The following ROBO2 variants were observed in gnomAD, a reference collection of about 807,000 sequenced individuals.
The protein encoded by ROBO2 is roundabout guidance receptor 2.
In ROBO2, 53 loss-of-function variants were observed where a neutral mutation model predicts 160.8. The observed-to-expected ratio is 0.33, with a 90% CI of 0.26 to 0.41. The LOEUF is 0.41. ROBO2 is among the 10% of genes least tolerant of loss of function. The pLI, the probability that ROBO2 is intolerant of heterozygous loss-of-function variation, is 1.00. For synonymous variants in ROBO2, 664 were observed against 611.7 expected (o/e 1.09, Z -1.26); for missense variants, 1,577 against 1,722.4 (o/e 0.92, Z 1.49).
intron 2 of ROBO2, among the ~76,000 whole-genome samples, chr3:76,208,573 C>T (rs901630287): frequency 2.6e-5 from 4 of 152,068 alleles, no homozygotes; most frequent in South Asian, 2.1e-4. Flanking sequence ...AACATACTTT[C>T]GTATAAAATG....
chr3:76,167,989 G>A (rs1015693734), intron 2 of ROBO2, among the ~76,000 whole-genome samples: 1 of 152,144 alleles, frequency 6.6e-6, no homozygotes, highest in African/African-American at 2.4e-5. Context: ...GGCCCTGCTC[G>A]TTCAGTGTGA....
At chr3:76,718,578 C>A (rs543398005) in intron 2 of ROBO2, among the ~76,000 whole-genome samples, 6 of 152,284 alleles carry the variant, frequency 3.9e-5, no homozygotes, top group African/African-American at 1.2e-4. Flanking sequence ...CTCTTAGCAA[C>A]TTAGGCCTGA....
At chr3:76,865,711 A>T (rs1296517200) in intron 2 of ROBO2, among the ~76,000 whole-genome samples, 1 of 152,180 alleles carries the variant, frequency 6.6e-6, no homozygotes, top group Admixed American at 6.5e-5. Flanking sequence ...GTAGTGAAAC[A>T]AAATTTTGTT....
At chr3:77,547,879 A>G (rs2092761079) in intron 7 of ROBO2, among the ~76,000 whole-genome samples, 1 of 152,116 alleles carries the variant, frequency 6.6e-6, no homozygotes, top group Non-Finnish European at 1.5e-5. Context: ...TGTTTGCTTT[A>G]AAATTCTTTT....
chr3:76,306,820 T>C (rs565744178), intron 2 of ROBO2, among the ~76,000 whole-genome samples: 2 of 152,348 alleles, frequency 1.3e-5, no homozygotes, highest in African/African-American at 4.8e-5. Context: ...TTATTTCAAA[T>C]TAGTCTCTTT....
rs553829231 is a variant in ROBO2 at position 77,334,575 on chromosome 3, C to T, written c.389-142839C>T. ...TCTTCAACCTTCTCTTCCTTGCTCT[C>T]TGACATACACAGGTACTTCTAAAGC... is the stretch of plus-strand genomic sequence containing the variant. On this transcript the variant is annotated intron_variant, in intron 2 of 25. Transcript: ENST00000461745. Among the ~76,000 whole-genome samples, 5 of 152,314 alleles carry T rather than the reference C, an allele frequency of 3.3e-5. 1 individual carries two copies. Among genetic ancestry groups the T allele is most frequent in the African/African-American group, 1.2e-4 (5 of 41,558 alleles).
chr3:76,573,255 C>G (rs2085063468), intron 2 of ROBO2, among the ~76,000 whole-genome samples: 1 of 151,974 alleles, frequency 6.6e-6, no homozygotes, highest in Non-Finnish European at 1.5e-5. Context: ...ACTCAGTTTC[C>G]TCTACAAAAA....
chr3:76,576,281 A>G (rs1455562913), intron 2 of ROBO2, among the ~76,000 whole-genome samples: 2 of 152,126 alleles, frequency 1.3e-5, no homozygotes, highest in Non-Finnish European at 2.9e-5. Flanking sequence ...CACTGATATG[A>G]GCCCTTCTTC....
At chr3:77,505,929 A>C (rs546920996) in intron 5 of ROBO2, among the ~76,000 whole-genome samples, 1 of 152,184 alleles carries the variant, frequency 6.6e-6, no homozygotes, top group African/African-American at 2.4e-5. Flanking sequence ...ATTTTATTTT[A>C]AGGGCTCACT....
At chr3:77,291,422 A>C (rs1333991022) in intron 2 of ROBO2, among the ~76,000 whole-genome samples, 5 of 150,942 alleles carry the variant, frequency 3.3e-5, no homozygotes, top group African/African-American at 9.8e-5. Flanking sequence ...TAAACGGGTA[A>C]GCTGAGGCTA....
At chr3:77,152,232 A>G (rs949200258) in intron 2 of ROBO2, among the ~76,000 whole-genome samples, 3 of 152,174 alleles carry the variant, frequency 2.0e-5, no homozygotes, top group African/African-American at 4.8e-5. Flanking sequence ...TAACGGAAGT[A>G]CAATGTAAGC....
At chr3:76,279,200 C>T (rs1173404056) in intron 2 of ROBO2, among the ~76,000 whole-genome samples, 4 of 151,220 alleles carry the variant, frequency 2.6e-5, no homozygotes, top group African/African-American at 9.7e-5. Context: ...TGCAAGCTCA[C>T]TTTTTTTGGG....
At chr3:77,178,770 G>T (rs1459549027) in intron 2 of ROBO2, among the ~76,000 whole-genome samples, 1 of 152,026 alleles carries the variant, frequency 6.6e-6, no homozygotes, top group Non-Finnish European at 1.5e-5. Context: ...TACTCCTGAA[G>T]ACATTCTTAT....
intron 2 of ROBO2, among the ~76,000 whole-genome samples, chr3:77,010,456 G>A (rs1193295726): frequency 2.0e-4 from 31 of 152,098 alleles, no homozygotes; most frequent in Admixed American, 2.0e-3. Flanking sequence ...TATAATAAAA[G>A]CCACCTCTTT....
At chr3:76,579,376 C>A (rs1243682382) in intron 2 of ROBO2, among the ~76,000 whole-genome samples, 1 of 151,984 alleles carries the variant, frequency 6.6e-6, no homozygotes, top group Non-Finnish European at 1.5e-5. Flanking sequence ...TTTATTTATG[C>A]TTTTATTTTT....
intron 2 of ROBO2, among the ~76,000 whole-genome samples, chr3:76,452,537 G>C (rs1184491749): frequency 2.0e-5 from 3 of 152,216 alleles, no homozygotes; most frequent in Admixed American, 6.5e-5. Flanking sequence ...GTATTCCATG[G>C]TGTATATGTG....
chr3:76,883,073 G>A (rs560267597), intron 2 of ROBO2, among the ~76,000 whole-genome samples: 103 of 152,120 alleles, frequency 6.8e-4, no homozygotes, highest in African/African-American at 2.2e-3. Flanking sequence ...ATCATCACCC[G>A]TTAGATAACC....
chr3:76,067,181 G>T (rs1033850164), intron 2 of ROBO2, among the ~76,000 whole-genome samples: 1 of 152,080 alleles, frequency 6.6e-6, no homozygotes, highest in Non-Finnish European at 1.5e-5. Context: ...TGTGATCACA[G>T]GCCAGTTATC....
chr3:75,993,075 T>C (rs563417005), intron 2 of ROBO2, among the ~76,000 whole-genome samples: 1 of 152,290 alleles, frequency 6.6e-6, no homozygotes, highest in African/African-American at 2.4e-5. Context: ...AACTTTGGAC[T>C]GTGGACTTTT....
Sources: gnomAD v4.1 joint callset for allele counts (sites outside exome capture counted in the v4.1 genomes callset) on GRCh38, gnomAD v4.1.1 for gene constraint, MANE v1.5 for transcripts, NCBI Gene and HGNC (gene_info 2026-07-23, HGNC 2026-07-21) for gene names.